The following MCUB variants were observed in gnomAD, a reference collection of about 807,000 sequenced individuals.
The protein encoded by MCUB is mitochondrial calcium uniporter dominant negative subunit beta, also known as calcium uniporter regulatory subunit MCUb, mitochondrial.
MCUB carries 46 observed loss-of-function variants against 41.4 expected under a neutral mutation model. The ratio of observed to expected loss-of-function variants is 1.11; its 90% CI spans 0.88 to 1.42. The LOEUF is 1.42. Ranked by LOEUF, MCUB falls within the 40% of genes most tolerant of loss-of-function variation. The pLI is 0.00. For synonymous variants in MCUB, 148 were observed against 148.2 expected (o/e 1.00, Z 0.01); for missense variants, 403 against 404.9 (o/e 1.00, Z 0.04).
At chr4:109,656,354 C>CCT (rs1729099336) in intron 1 of MCUB, among the ~76,000 whole-genome samples, 4 of 62,096 alleles carry the variant, frequency 6.4e-5, no homozygotes, top group Non-Finnish European at 1.2e-4. Context: ...TTACTCTCTA[C>CCT]TTTTTTTTTT....
chr4:109,681,837 G>T (rs1387056901), intron 4 of MCUB, among the ~76,000 whole-genome samples: 1 of 152,234 alleles, frequency 6.6e-6, no homozygotes, highest in Non-Finnish European at 1.5e-5. Context: ...CGAAAGCTCA[G>T]CTCGAGCAGT....
At chr4:109,634,848 GA>G (rs1728554133) in intron 1 of MCUB, among the ~76,000 whole-genome samples, 1 of 152,130 alleles carries the variant, frequency 6.6e-6, no homozygotes, top group South Asian at 2.1e-4. Context: ...TACATGTGCA[GA>G]ACATGCAGGT....
At chr4:109,591,256 G>A (rs983953838) in intron 1 of MCUB, among the ~76,000 whole-genome samples, 18 of 151,354 alleles carry the variant, frequency 1.2e-4, no homozygotes, top group African/African-American at 4.4e-4. Flanking sequence ...TGCGATCTCA[G>A]CTCACTGCAA....
intron 1 of MCUB, among the ~76,000 whole-genome samples, chr4:109,581,937 T>C (rs1360757256): frequency 6.6e-6 from 1 of 152,194 alleles, no homozygotes; most frequent in Non-Finnish European, 1.5e-5. Flanking sequence ...GGTGGGACTG[T>C]AAACTAGTTC....
At chr4:109,665,481 G>GCAAACTATAC (rs1729324328) in intron 4 of MCUB, among the ~76,000 whole-genome samples, 1 of 152,094 alleles carries the variant, frequency 6.6e-6, no homozygotes, top group Non-Finnish European at 1.5e-5. Flanking sequence ...ATAGGGCCAG[G>GCAAACTATAC]CAAACTCTAC....
Position 109,660,251 on chromosome 4 carries a change from A to G in MCUB, c.232A>G (p.Arg78Gly). The stretch of plus-strand genomic sequence containing the variant: ...CTTGGTAACACTTACCTTGCCATCT[A>G]GAAAAGAACGTTGTCAATTCGTAGT... ...LPLVTLTLPSRKERCQFVVKP... is the reference protein window; with the variant it reads ...LPLVTLTLPSGKERCQFVVKP... Residue 78 changes from arginine to glycine, a missense_variant, in exon 3 of 8, where the codon AGA (arginine) becomes GGA (glycine). Arg to Gly is a moderately radical substitution (Grantham distance 125). Transcript: ENST00000394650. The G allele has an allele frequency of 1.2e-6, 2 of 1,603,024 alleles. No individual in the cohort carries two copies. The highest frequency in any genetic ancestry group is 1.7e-6 in the Non-Finnish European group (2 of 1,170,222).
In MCUB at chr4:109,560,254, G is replaced by A; in HGVS notation, c.-84G>A. The A allele has an allele frequency of 6.0e-6, 4 of 663,876 alleles. No individual in the cohort carries two copies. The highest frequency in any genetic ancestry group is 8.5e-6 in the Non-Finnish European group (4 of 471,200). 41.1% of individuals were successfully genotyped at this position (663,876 alleles called of 1,614,324 possible). On this transcript the variant is annotated 5_prime_UTR_variant, in exon 1 of 8. Transcript: ENST00000394650. Reference sequence around the variant, plus strand: ...GCGGGGCGGGAGCGCCCACAGCTCGGAGCCACCAGGCGCTGACGAGGAGCC... The same window carrying A: ...GCGGGGCGGGAGCGCCCACAGCTCGAAGCCACCAGGCGCTGACGAGGAGCC...
intron 1 of MCUB, among the ~76,000 whole-genome samples, chr4:109,639,503 C>T (rs918462099): frequency 5.9e-5 from 9 of 152,074 alleles, no homozygotes; most frequent in Middle Eastern, 3.4e-3. Flanking sequence ...GCCTGGCCAA[C>T]GTGGTAAAAT....
intron 4 of MCUB, among the ~76,000 whole-genome samples, chr4:109,669,223 A>G (rs1235958004): frequency 6.6e-6 from 1 of 152,088 alleles, no homozygotes; most frequent in Admixed American, 6.5e-5. Flanking sequence ...GCTAGCAACA[A>G]ATTCACTCAA....
Position 109,687,730 on chromosome 4 carries a change from T to C in MCUB, c.*138T>C, listed in dbSNP as rs1469923872. On this transcript the variant is annotated 3_prime_UTR_variant, in exon 8 of 8. Transcript: ENST00000394650. ...TGTAAAACAGAAGTATTGTTTGAAG[T>C]TCTCAACTGAGATTTTTACTTTTTG... The C allele has an allele frequency of 6.4e-6, 4 of 623,862 alleles. No individual in the cohort carries two copies. Among genetic ancestry groups the C allele is most frequent in the Non-Finnish European group, 1.1e-5 (4 of 359,314 alleles). 38.6% of individuals were successfully genotyped at this position (623,862 alleles called of 1,614,324 possible).
chr4:109,575,185 A>C (rs1051387308), intron 1 of MCUB, among the ~76,000 whole-genome samples: 1 of 152,122 alleles, frequency 6.6e-6, no homozygotes, highest in Non-Finnish European at 1.5e-5. Flanking sequence ...AGATTGATAA[A>C]CTCAGATGCC....
chr4:109,600,761 G>A (rs767422574), intron 1 of MCUB, among the ~76,000 whole-genome samples: 7 of 151,988 alleles, frequency 4.6e-5, no homozygotes, highest in Non-Finnish European at 1.0e-4. Context: ...TCTATGGGGC[G>A]ACTTGAGTTT....
chr4:109,630,941 A>G (rs1728462756), intron 1 of MCUB, among the ~76,000 whole-genome samples: 1 of 152,146 alleles, frequency 6.6e-6, no homozygotes, highest in Non-Finnish European at 1.5e-5. Flanking sequence ...TTCCTATTAT[A>G]CAAGCTGACT....
chr4:109,667,540 C>A (rs1199951398), intron 4 of MCUB, among the ~76,000 whole-genome samples: 1 of 151,224 alleles, frequency 6.6e-6, no homozygotes, highest in Admixed American at 6.6e-5. Context: ...TAGCTTTTAA[C>A]ATCATTGATT....
intron 1 of MCUB, among the ~76,000 whole-genome samples, chr4:109,592,336 G>A (rs1356951167): frequency 1.3e-5 from 2 of 151,924 alleles, no homozygotes; most frequent in Non-Finnish European, 2.9e-5. Flanking sequence ...CTTGAACCCG[G>A]GAGGTGGAGG....
In MCUB at chr4:109,660,381, A is replaced by C. The variant is rs367793330; in HGVS notation, c.346+16A>C. ...TTCACAGCAGGTATATATGTATATA[A>C]TTTTACAACTTTGTCCCAGGGTTTC... On this transcript the variant is annotated intron_variant, in intron 3 of 7. Coordinates refer to ENST00000394650, the MANE Select transcript of MCUB (RefSeq NM_017918.5). The C allele has an allele frequency of 3.0e-5, 45 of 1,492,766 alleles. No individual in the cohort carries two copies. The highest frequency in any genetic ancestry group is 4.0e-5 in the Non-Finnish European group (44 of 1,090,426). The allele number at this position is 1,492,766 out of a possible 1,614,324, so 92.5% of individuals were successfully genotyped here. A position where few individuals can be genotyped will look rare whatever the true frequency, so the allele number is the denominator to read the frequency against.
At chr4:109,655,125 GTT>G (rs1425235281) in intron 1 of MCUB, among the ~76,000 whole-genome samples, 4 of 152,198 alleles carry the variant, frequency 2.6e-5, no homozygotes, top group Non-Finnish European at 5.9e-5. Flanking sequence ...CTTTACTTAT[GTT>G]TACTGGTTTA....
At position 109,634,485 on chromosome 4, in the gene MCUB, GAAA is replaced by G. The variant is rs34174576; in HGVS notation, c.100-24510_100-24508del. ...GCAACAAGAGCGAAACTCTGTCTCA[GAAA>G]AAAAAAAAAAAAAAAGAAGTGTCTC... On this transcript the variant is annotated intron_variant, in intron 1 of 7. Coordinates refer to ENST00000394650, the MANE Select transcript of MCUB (RefSeq NM_017918.5). 4.3e-4 allele frequency among the ~76,000 whole-genome samples: 54 copies of G among 124,406 alleles called. No individual in the cohort carries two copies. The East Asian group carries it at 4.4e-3, about 10-fold the overall frequency. The allele number at this position is 124,406 out of a possible 152,430, so 81.6% of individuals were successfully genotyped here. A position where few individuals can be genotyped will look rare whatever the true frequency, so the allele number is the denominator to read the frequency against.
Position 109,669,569 on chromosome 4 carries a change from T to C in MCUB, c.451+5175T>C, listed in dbSNP as rs1227439809. On this transcript the variant is annotated intron_variant, in intron 4 of 7. Transcript: ENST00000394650. ...CTGTGGTTTGCTATCTGACATTAGT[T>C]TGGGGGGAGTTCTCAGTCCTTAATC... Among the ~76,000 whole-genome samples the C allele has an allele frequency of 2.6e-5, 4 of 152,220 alleles. No homozygotes were observed. In the East Asian group the frequency reaches 5.8e-4, roughly 22 times the overall value.
Sources: gnomAD v4.1 joint callset for allele counts (sites outside exome capture counted in the v4.1 genomes callset) on GRCh38, gnomAD v4.1.1 for gene constraint, MANE v1.5 for transcripts, NCBI Gene and HGNC (gene_info 2026-07-23, HGNC 2026-07-21) for gene names.